The following NRXN1 variants were observed in gnomAD, a reference collection of about 807,000 sequenced individuals.
The protein encoded by NRXN1 is neurexin 1, also known as neurexin-1.
A neutral mutation model predicts 150.9 loss-of-function variants in NRXN1; 39 were observed. The ratio of observed to expected loss-of-function variants is 0.26; its 90% CI spans 0.20 to 0.34. NRXN1 has a LOEUF of 0.34. Among genes scored for constraint, NRXN1 ranks in the 10% least tolerant of loss-of-function variants. NRXN1 has a pLI of 1.00. For synonymous variants in NRXN1, 924 were observed against 757.0 expected (o/e 1.22, Z -3.62); for missense variants, 1,815 against 1,949.9 (o/e 0.93, Z 1.30).
intron 12 of NRXN1, among the ~76,000 whole-genome samples, chr2:50,515,600 G>GGGGGGTGTGTGTGT (rs952552460): frequency 7.0e-6 from 1 of 143,426 alleles, no homozygotes; most frequent in African/African-American, 2.6e-5. Context: ...AAATGCTTGG[G>GGGGGGTGTGTGTGT]GTGTGTGTGT....
chr2:50,684,829 T>A (rs181684388), intron 5 of NRXN1, among the ~76,000 whole-genome samples: 1 of 152,310 alleles, frequency 6.6e-6, no homozygotes, highest in East Asian at 1.9e-4. Context: ...TAAAGCTAAA[T>A]TGACATGTTT....
chr2:50,716,397 T>C (rs1360713154), intron 5 of NRXN1, among the ~76,000 whole-genome samples: 2 of 151,970 alleles, frequency 1.3e-5, no homozygotes, highest in African/African-American at 2.4e-5. Flanking sequence ...ATTGACTAAA[T>C]TAAAACATGA....
At chr2:50,110,129 T>C (rs1268651170) in intron 18 of NRXN1, among the ~76,000 whole-genome samples, 1 of 152,082 alleles carries the variant, frequency 6.6e-6, no homozygotes, top group Non-Finnish European at 1.5e-5. Context: ...AAGAAACAAG[T>C]AGGACACAGG....
At chr2:50,137,893 C>T (rs967651151) in intron 18 of NRXN1, among the ~76,000 whole-genome samples, 3 of 152,176 alleles carry the variant, frequency 2.0e-5, no homozygotes, top group African/African-American at 7.2e-5. Context: ...TGGAGCCTCA[C>T]GTTCTTAGAT....
At chr2:50,761,199 A>G (rs1232820220) in intron 5 of NRXN1, among the ~76,000 whole-genome samples, 2 of 151,590 alleles carry the variant, frequency 1.3e-5, no homozygotes, top group Non-Finnish European at 2.9e-5. Flanking sequence ...TTTTTTAGAG[A>G]CTGGGTCTTG....
chr2:51,002,368 CTCT>C (rs1700182524), intron 2 of NRXN1, among the ~76,000 whole-genome samples: 1 of 152,082 alleles, frequency 6.6e-6, no homozygotes, highest in South Asian at 2.1e-4. Context: ...GGAAAGTGCT[CTCT>C]TCATCAAATG....
At chr2:50,663,378 T>C (rs1687585492) in intron 5 of NRXN1, among the ~76,000 whole-genome samples, 1 of 152,002 alleles carries the variant, frequency 6.6e-6, no homozygotes, top group Admixed American at 6.6e-5. Flanking sequence ...TCTTAGACAT[T>C]GGTTTTTGTT....
chr2:50,927,728 T>C (rs1162378128), intron 2 of NRXN1, among the ~76,000 whole-genome samples: 1 of 152,030 alleles, frequency 6.6e-6, no homozygotes, highest in Non-Finnish European at 1.5e-5. Flanking sequence ...TGTAAAATAA[T>C]AAAATCAGGG....
chr2:50,200,920 G>T (rs1574463349), intron 18 of NRXN1, among the ~76,000 whole-genome samples: 1 of 152,044 alleles, frequency 6.6e-6, no homozygotes, highest in South Asian at 2.1e-4. Flanking sequence ...TACTAAATAA[G>T]AATGTGCTGC....
At chr2:50,849,351 C>T in intron 5 of NRXN1, among the ~76,000 whole-genome samples, 1 of 152,248 alleles carries the variant, frequency 6.6e-6, no homozygotes, top group Admixed American at 6.5e-5. Flanking sequence ...TGCTAGACTC[C>T]TGTCAGTTTT....
chr2:50,562,918 C>G (rs1042854293), intron 8 of NRXN1, among the ~76,000 whole-genome samples: 4 of 151,996 alleles, frequency 2.6e-5, no homozygotes, highest in African/African-American at 9.7e-5. Context: ...TTCCAATCAA[C>G]CAACCCATTA....
chr2:50,726,950 A>G (rs1697433361), intron 5 of NRXN1, among the ~76,000 whole-genome samples: 1 of 152,170 alleles, frequency 6.6e-6, no homozygotes, highest in Non-Finnish European at 1.5e-5. Context: ...CATTTGTTCA[A>G]TTTAAAAGAA....
At chr2:50,915,629 C>G (rs1685114943) in intron 5 of NRXN1, among the ~76,000 whole-genome samples, 1 of 151,168 alleles carries the variant, frequency 6.6e-6, no homozygotes, top group African/African-American at 2.4e-5. Flanking sequence ...TTAGTTTCAA[C>G]CAAAGACAAT....
intron 8 of NRXN1, among the ~76,000 whole-genome samples, chr2:50,582,948 C>A (rs1245122016): frequency 6.6e-6 from 1 of 151,918 alleles, no homozygotes; most frequent in Non-Finnish European, 1.5e-5. Context: ...CCCTAAGGAA[C>A]CCACACTTTG....
chr2:50,643,898 C>T (rs901763059), intron 5 of NRXN1, among the ~76,000 whole-genome samples: 27 of 151,748 alleles, frequency 1.8e-4, no homozygotes, highest in African/African-American at 6.0e-4. Flanking sequence ...ATCAATTTTA[C>T]AGTTTGTCAA....
intron 17 of NRXN1, among the ~76,000 whole-genome samples, chr2:50,414,224 G>T (rs2083382932): frequency 6.6e-6 from 1 of 152,030 alleles, no homozygotes; most frequent in African/African-American, 2.4e-5. Flanking sequence ...GTAGCTCAAA[G>T]GATAAATGCT....
chr2:50,938,552 T>C (rs566068324), intron 2 of NRXN1, among the ~76,000 whole-genome samples: 1 of 152,308 alleles, frequency 6.6e-6, no homozygotes, highest in South Asian at 2.1e-4. Context: ...TGGGTATCTT[T>C]ATAGCAGTAC....
intron 17 of NRXN1, among the ~76,000 whole-genome samples, chr2:50,305,539 C>A (rs2074537384): frequency 6.6e-6 from 1 of 152,006 alleles, no homozygotes; most frequent in South Asian, 2.1e-4. Flanking sequence ...AATTTCAGGC[C>A]AATGGATTCA....
In NRXN1 at chr2:50,590,706, G is replaced by A. The variant is rs145047960; in HGVS notation, c.1320+29316C>T. ...GAGAGCTCCCTTACTTCTGCTATGT[G>A]AGGATACAGCAAGAAGATGGACGAT... On this transcript the variant is annotated intron_variant, in intron 8 of 22. Transcript: ENST00000401669. Among the ~76,000 whole-genome samples the A allele has an allele frequency of 7.2e-3, 1,090 of 152,282 alleles. 4 individuals are homozygous for A. Among genetic ancestry groups the A allele is most frequent in the Middle Eastern group, 0.037 (11 of 294 alleles).
Sources: allele counts gnomAD v4.1 joint callset (sites outside exome capture counted in the v4.1 genomes callset), GRCh38; gene constraint gnomAD v4.1.1; transcripts MANE v1.5; gene names NCBI Gene and HGNC (gene_info 2026-07-23, HGNC 2026-07-21).